KNL1: variants seen among roughly 807,000 people sequenced by gnomAD.
KNL1 encodes the protein outer kinetochore KNL1 complex subunit KNL1.
A neutral mutation model predicts 201.3 loss-of-function variants in KNL1; 66 were observed. That is an observed-to-expected ratio of 0.33 (90% CI 0.27 to 0.40). KNL1 has a LOEUF of 0.40. KNL1 is among the 10% of genes least tolerant of loss of function. KNL1 has a pLI of 1.00. For synonymous variants in KNL1, 895 were observed against 899.2 expected, an observed-to-expected ratio of 1.00 and a Z score of 0.08; for missense variants, 2,815 against 2,690.5, an observed-to-expected ratio of 1.05 and a Z score of -1.02.
intron 21 of KNL1, among the ~76,000 whole-genome samples, 168 bp from the exon 22 acceptor site, chr15:40,654,741 C>T (rs1006585621): frequency 5.9e-5 from 9 of 151,854 alleles, no homozygotes; most frequent in East Asian, 1.9e-4. Flanking sequence ...TGGTGGCGGG[C>T]GCCTGTAGTC....
chr15:40,601,589 T>G (rs2141695478), intron 1 of KNL1, among the ~76,000 whole-genome samples: 2 of 152,096 alleles, frequency 1.3e-5, no homozygotes, highest in East Asian at 3.9e-4. Flanking sequence ...CCCAGCACTT[T>G]GGGAGGCCGA....
intron 13 of KNL1, among the ~76,000 whole-genome samples, chr15:40,638,465 G>A (rs1057460764): frequency 6.6e-6 from 1 of 151,954 alleles, no homozygotes; most frequent in African/African-American, 2.4e-5. Context: ...ATGAGCCACT[G>A]TGCCCAGGTC....
intron 7 of KNL1, among the ~76,000 whole-genome samples, chr15:40,613,294 A>T (rs894562819): frequency 5.3e-5 from 8 of 152,246 alleles, no homozygotes; most frequent in African/African-American, 1.7e-4. Flanking sequence ...TACATGTATA[A>T]TGTATGTATA....
In KNL1 at chr15:40,621,397, A is replaced by C; in HGVS notation, c.1133A>C (p.Asn378Thr). The C allele has an allele frequency of 6.2e-7, 1 of 1,612,328 alleles. No individual in the cohort carries two copies. The highest frequency in any genetic ancestry group is 8.5e-7 in the Non-Finnish European group (1 of 1,179,102). The change falls in exon 10 of 26, where the codon AAC becomes ACC. Residue 378 changes from asparagine to threonine, a missense_variant. Coordinates refer to ENST00000399668, the MANE Select transcript of KNL1 (RefSeq NM_144508.5). ...ACTGCTTTTCAAGACCTTTCCATAA[A>C]CTCTGCAGACAAAATACATATTACC... is the stretch of plus-strand genomic sequence containing the variant. Reference protein sequence around the residue: ...QNTAFQDLSINSADKIHITRS... With the variant: ...QNTAFQDLSITSADKIHITRS...
At chr15:40,619,033 T>C in intron 9 of KNL1, 22 bp downstream of exon 9, 1 of 1,470,062 alleles carries the variant, frequency 6.8e-7, no homozygotes, top group East Asian at 2.3e-5. Flanking sequence ...TGCAAATACC[T>C]TCATATTGTA....
intron 15 of KNL1, among the ~76,000 whole-genome samples, chr15:40,645,330 A>G (rs1256964495): frequency 6.6e-6 from 1 of 152,182 alleles, no homozygotes; most frequent in Admixed American, 6.5e-5. Context: ...CCTCCTTGCT[A>G]TTTGCCTTTC....
chr15:40,601,172 C>T (rs1891780157), intron 1 of KNL1, among the ~76,000 whole-genome samples: 1 of 152,176 alleles, frequency 6.6e-6, no homozygotes, highest in Non-Finnish European at 1.5e-5. Flanking sequence ...CTCACGGGAG[C>T]ACAAACCCTG....
chr15:40,599,997 A>G (rs926502195), intron 1 of KNL1, among the ~76,000 whole-genome samples: 3 of 151,938 alleles, frequency 2.0e-5, no homozygotes, highest in Admixed American at 6.6e-5. Flanking sequence ...CATTTCTGCA[A>G]TAAAACCAAC....
At position 40,652,045 on chromosome 15, in the gene KNL1, G is replaced by T. The variant is rs1893581160; in HGVS notation, c.6355G>T (p.Ala2119Ser). 1 of 1,613,776 alleles carries T rather than the reference G, an allele frequency of 6.2e-7. No individual in the cohort carries two copies. Among genetic ancestry groups the T allele is most frequent in the Non-Finnish European group, 8.5e-7 (1 of 1,179,772 alleles). Reference protein sequence around the residue: ...WDVVEWSDDQAVFTFVYDTIQ... With the variant: ...WDVVEWSDDQSVFTFVYDTIQ... ...TGTCGTTGAGTGGAGTGATGATCAA[G>T]CTGTATTCACCTTTGTTTATGACAC... Residue 2119 changes from alanine to serine, a missense_variant, in exon 21 of 26, where the codon GCT (alanine) becomes TCT (serine). Transcript: ENST00000399668.
chr15:40,625,568 A>G lies in KNL1; in HGVS notation c.5304A>G (p.Glu1768=). ...AAAAAAGAACGTGGGTACAAGAAGA[A>G]GAAGATATTCATAAGGAGAAAAAAA... The part of the protein sequence containing the change: ...NSQKRTWVQE[E]EDIHKEKKIR... Residue 1768 remains glutamate (E), a synonymous_variant, in exon 10 of 26, where the codon GAA becomes GAG. Transcript: ENST00000399668. 1.9e-6 allele frequency: 3 copies of G among 1,606,632 alleles called. No homozygotes were observed. The highest frequency in any genetic ancestry group is 2.5e-6 in the Non-Finnish European group (3 of 1,178,238).
rs763244540 is a variant in KNL1 at position 40,651,993 on chromosome 15, A to G, written c.6315-12A>G. The G allele has an allele frequency of 2.5e-6, 4 of 1,595,610 alleles. No homozygotes were observed. Among genetic ancestry groups the G allele is most frequent in the Non-Finnish European group, 2.6e-6 (3 of 1,166,090 alleles). Reference sequence around the variant, plus strand: ...AAAACGCTTTTTAAAAATCTTGTTTATCTCTCTACAGCTTGTCTGAGTGGG... The same window carrying G: ...AAAACGCTTTTTAAAAATCTTGTTTGTCTCTCTACAGCTTGTCTGAGTGGG... On this transcript the variant is annotated splice_polypyrimidine_tract_variant and intron_variant, in intron 20 of 25. Coordinates refer to ENST00000399668, the MANE Select transcript of KNL1 (RefSeq NM_144508.5).
At chr15:40,641,408 A>ATTGC (rs1201988826) in intron 14 of KNL1, among the ~76,000 whole-genome samples, 2 of 152,218 alleles carry the variant, frequency 1.3e-5, no homozygotes, top group Non-Finnish European at 1.5e-5. Context: ...TCATAAGTTG[A>ATTGC]TTGCTAGAGA....
At chr15:40,653,558 C>T (rs972334972) in intron 21 of KNL1, among the ~76,000 whole-genome samples, 4 of 152,186 alleles carry the variant, frequency 2.6e-5, no homozygotes, top group African/African-American at 7.2e-5. Flanking sequence ...CATCTCTAAC[C>T]TAGATGACTA....
intron 7 of KNL1, among the ~76,000 whole-genome samples, chr15:40,612,000 T>C (rs1892178619): frequency 6.6e-6 from 1 of 151,984 alleles, no homozygotes; most frequent in Admixed American, 6.6e-5. Context: ...GCCAACATGA[T>C]GAAACCCCAT....
Position 40,618,966 on chromosome 15 carries a change from C to T in KNL1, c.330C>T (p.Asn110=). The change falls in exon 9 of 26, where the codon AAC becomes AAT. Residue 110 remains asparagine, a synonymous_variant. Coordinates refer to ENST00000399668, the MANE Select transcript of KNL1 (RefSeq NM_144508.5). ...EDNYCEITGM[N]TLLSAPIHTQ... ...TTTCTTTTTTCTAAATAGGGATGAA[C>T]ACATTGCTTTCTGCTCCCATTCATA... The T allele has an allele frequency of 6.2e-7, 1 of 1,605,986 alleles. No homozygotes were observed. Among genetic ancestry groups the T allele is most frequent in the Non-Finnish European group, 8.5e-7 (1 of 1,173,504 alleles).
chr15:40,655,607 A>G (rs1893702634), intron 22 of KNL1, among the ~76,000 whole-genome samples: 2 of 149,068 alleles, frequency 1.3e-5, no homozygotes, highest in African/African-American at 4.9e-5. Flanking sequence ...AAAAAAAAAA[A>G]AAAAGATTTA....
At chr15:40,632,008 CAAAA>C (rs1335544344) in intron 13 of KNL1, among the ~76,000 whole-genome samples, 1 of 88,938 alleles carries the variant, frequency 1.1e-5, no homozygotes, top group Non-Finnish European at 2.3e-5. Flanking sequence ...GACCCTATCT[CAAAA>C]AAAAAAAAAA....
chr15:40,657,852 T>G lies in KNL1; in HGVS notation c.6713+379T>G, dbSNP rs530600149. Among the ~76,000 whole-genome samples the G allele has an allele frequency of 2.4e-3, 372 of 152,330 alleles. 2 individuals are homozygous for G. Among genetic ancestry groups the G allele is most frequent in the Non-Finnish European group, 4.6e-3 (311 of 68,022 alleles). On this transcript the variant is annotated intron_variant, in intron 24 of 25. Coordinates refer to ENST00000399668, the MANE Select transcript of KNL1 (RefSeq NM_144508.5). Reference sequence around the variant, plus strand: ...ACCAGATTTCCAAATAAGGTCACTTTCTGAGGTATTGGGGGTTTGGAATTC... The same window carrying G: ...ACCAGATTTCCAAATAAGGTCACTTGCTGAGGTATTGGGGGTTTGGAATTC...
intron 21 of KNL1, among the ~76,000 whole-genome samples, chr15:40,653,570 A>G (rs1893634219): frequency 6.6e-6 from 1 of 152,200 alleles, no homozygotes; most frequent in Non-Finnish European, 1.5e-5. Context: ...AGATGACTAC[A>G]GTAACATTCC....
Sources: gnomAD v4.1 joint callset for allele counts (sites outside exome capture counted in the v4.1 genomes callset) on GRCh38, gnomAD v4.1.1 for gene constraint, MANE v1.5 for transcripts, NCBI Gene and HGNC (gene_info 2026-07-23, HGNC 2026-07-21) for gene names.